The following ABI3BP variants were observed in gnomAD, a reference collection of about 807,000 sequenced individuals.
ABI3BP encodes ABI family member 3 binding protein, also known as target of Nesh-SH3.
Under a neutral mutation model 268.6 loss-of-function variants are expected in ABI3BP, and 216 were observed. The observed-to-expected ratio is 0.80, with a 90% confidence interval of 0.72 to 0.90. The LOEUF is 0.90. Ranked by LOEUF, ABI3BP falls within the 40% of genes least tolerant of loss-of-function variation. The pLI is 0.00. For missense variants in ABI3BP, 2,090 were observed against 2,182.4 expected (o/e 0.96, Z 0.84); for synonymous variants, 730 against 730.0 (o/e 1.00, Z 0.00).
At chr3:100,979,985 G>A (rs549935184) in intron 1 of ABI3BP, among the ~76,000 whole-genome samples, 1 of 152,194 alleles carries the variant, frequency 6.6e-6, no homozygotes, top group East Asian at 1.9e-4. Context: ...GTAATCCAAT[G>A]GTATTTCTTA....
intron 1 of ABI3BP, among the ~76,000 whole-genome samples, chr3:100,973,413 A>G (rs1259334901): frequency 1.3e-5 from 2 of 152,214 alleles, no homozygotes; most frequent in African/African-American, 2.4e-5. Flanking sequence ...TACTACTGCA[A>G]ATAATGAGAA....
intron 51 of ABI3BP, among the ~76,000 whole-genome samples, chr3:100,798,797 C>T (rs17218061): frequency 0.14 from 21,066 of 152,152 alleles, 1,898 homozygotes; most frequent in South Asian, 0.27. Flanking sequence ...AAGGTTTACC[C>T]TGGCAATAGG....
intron 63 of ABI3BP, among the ~76,000 whole-genome samples, chr3:100,760,639 G>GACTT (rs2095883223): frequency 6.6e-6 from 1 of 152,144 alleles, no homozygotes; most frequent in Admixed American, 6.5e-5. Flanking sequence ...AGCTGGAGGA[G>GACTT]ACTTAAGAGA....
At chr3:100,829,542 G>T in intron 33 of ABI3BP, 39 bp downstream of exon 33, 1 of 1,495,776 alleles carries the variant, frequency 6.7e-7, no homozygotes, top group South Asian at 1.2e-5. Context: ...CCACTGGGGT[G>T]GGCTGTTAGG....
At chr3:100,767,402 T>C (rs1310375819) in intron 62 of ABI3BP, among the ~76,000 whole-genome samples, 1 of 152,134 alleles carries the variant, frequency 6.6e-6, no homozygotes, top group Non-Finnish European at 1.5e-5. Context: ...TACTGATGAC[T>C]GTTATCTAGT....
At position 100,778,353 on chromosome 3, in the gene ABI3BP, G is replaced by T. The variant is rs1345244495; in HGVS notation, c.4264C>A (p.Pro1422Thr). 3 of 1,610,738 alleles carry T rather than the reference G, an allele frequency of 1.9e-6. No individual in the cohort carries two copies. Among genetic ancestry groups the T allele is most frequent in the Non-Finnish European group, 2.5e-6 (3 of 1,178,668 alleles). The change falls in exon 59 of 68, where the codon CCC becomes ACC. Residue 1422 changes from proline (P) to threonine (T), a missense_variant. By Grantham distance (38) the Pro-to-Thr change is conservative (BLOSUM62 -1). Coordinates refer to ENST00000471714, the MANE Select transcript of ABI3BP (RefSeq NM_001375547.2). ...KPGTRRPPLP[P>T]RPTHPRRKPL... ...TTTCTTCGTGGGTGTGTAGGTCTGGGTGGCAAGGGTGGGCGGCGAGTCCCT... is the reference window on the plus strand; with the variant it reads ...TTTCTTCGTGGGTGTGTAGGTCTGGTTGGCAAGGGTGGGCGGCGAGTCCCT...
Position 100,810,462 on chromosome 3 carries a change from G to A in ABI3BP, c.3557C>T (p.Pro1186Leu), listed in dbSNP as rs2097834828. Residue 1186 changes from proline (P) to leucine (L), a missense_variant, in exon 49 of 68, where the codon CCT becomes CTT. Physicochemically the swap from Pro to Leu is moderately conservative, Grantham distance 98 (BLOSUM62 -3). Coordinates refer to ENST00000471714, the MANE Select transcript of ABI3BP (RefSeq NM_001375547.2). ...GCTGGGTAGGGTTATAGATTGAGAA[G>A]GCAGAGGCGACGTTTCTATGGTAAT... ...PETTLETSPLPSQSITLPSPD... is the reference protein window; with the variant it reads ...PETTLETSPLLSQSITLPSPD... 6.5e-7 allele frequency: 1 copy of A among 1,534,812 alleles called. No individual in the cohort carries two copies. Among genetic ancestry groups the A allele is most frequent in the Non-Finnish European group, 8.7e-7 (1 of 1,146,084 alleles).
chr3:100,830,164 T>TATATATAA (rs2098467376), intron 32 of ABI3BP, among the ~76,000 whole-genome samples: 2 of 84,892 alleles, frequency 2.4e-5, no homozygotes, highest in Non-Finnish European at 4.7e-5. Flanking sequence ...TATATATATA[T>TATATATAA]AAAATGCAGA....
chr3:100,817,699 A>C (rs1178135629), intron 41 of ABI3BP, among the ~76,000 whole-genome samples: 1 of 152,204 alleles, frequency 6.6e-6, no homozygotes, highest in Non-Finnish European at 1.5e-5. Context: ...TCAACAAAAC[A>C]TTCTCCTAGA....
intron 11 of ABI3BP, 40 bp downstream of exon 11, chr3:100,864,793 C>T (rs1231599872): frequency 2.1e-6 from 3 of 1,461,080 alleles, no homozygotes; most frequent in East Asian, 2.4e-5. Context: ...TTCGTTGTTA[C>T]TTTTGTTTTT....
chr3:100,753,816 T>TA lies in ABI3BP; in HGVS notation c.4960+2dup, dbSNP rs767276009. ...GTTGTGCCTCATTGAGACAGGTACT[T>TA]ACCAGAAACTGGCTCACTCACTCTT... On this transcript the variant is annotated splice_region_variant and intron_variant, in intron 65 of 67. Coordinates refer to ENST00000471714, the MANE Select transcript of ABI3BP (RefSeq NM_001375547.2). 6.2e-7 allele frequency: 1 copy of TA among 1,611,232 alleles called. No individual in the cohort carries two copies. The highest frequency in any genetic ancestry group is 8.5e-7 in the Non-Finnish European group (1 of 1,178,862).
intron 51 of ABI3BP, among the ~76,000 whole-genome samples, chr3:100,797,560 CT>C (rs1234731626): frequency 7.6e-6 from 1 of 132,062 alleles, no homozygotes; most frequent in African/African-American, 3.3e-5. Flanking sequence ...GATGAAGAAA[CT>C]GTTTTTTTTT....
chr3:100,821,200 A>G (rs1410706842), intron 38 of ABI3BP, 87 bp from the exon 39 acceptor site: 10 of 1,107,198 alleles, frequency 9.0e-6, no homozygotes, highest in Non-Finnish European at 1.3e-5. Context: ...TCTTACTAGT[A>G]TAATACAGCT....
intron 2 of ABI3BP, chr3:100,911,898 C>G (rs570001570): frequency 6.8e-7 from 1 of 1,478,096 alleles, no homozygotes; most frequent in East Asian, 2.3e-5. Flanking sequence ...TTTGTACCAA[C>G]CTATCACATT....
intron 63 of ABI3BP, among the ~76,000 whole-genome samples, chr3:100,756,377 TAGCTG>T (rs1442090501): frequency 1.3e-5 from 2 of 152,078 alleles, no homozygotes; most frequent in African/African-American, 4.8e-5. Context: ...ATACAAAAAT[TAGCTG>T]GGCATGGTGG....
chr3:100,863,207 C>A, intron 12 of ABI3BP: 1 of 238,500 alleles, frequency 4.2e-6, no homozygotes, highest in Non-Finnish European at 7.9e-6. Context: ...AAATATATTT[C>A]ATTTAAATTT....
At chr3:100,901,818 G>C (rs933735868) in intron 3 of ABI3BP, among the ~76,000 whole-genome samples, 2 of 151,862 alleles carry the variant, frequency 1.3e-5, no homozygotes, top group Non-Finnish European at 2.9e-5. Context: ...TCTATATAGA[G>C]TTAGGAAGAT....
intron 60 of ABI3BP, 109 bp from the exon 61 acceptor site, chr3:100,774,782 T>C: frequency 2.3e-6 from 2 of 880,190 alleles, no homozygotes; most frequent in African/African-American, 3.4e-5. Flanking sequence ...GTAAACTGCT[T>C]GCAGTTTTGA....
chr3:100,762,647 T>A (rs748976963), intron 63 of ABI3BP, among the ~76,000 whole-genome samples: 1 of 152,204 alleles, frequency 6.6e-6, no homozygotes, highest in African/African-American at 2.4e-5. Context: ...TTTCCATAAT[T>A]CATTATTTTT....
Sources: allele counts gnomAD v4.1 joint callset (sites outside exome capture counted in the v4.1 genomes callset), GRCh38; gene constraint gnomAD v4.1.1; transcripts MANE v1.5; gene names NCBI Gene and HGNC (gene_info 2026-07-23, HGNC 2026-07-21).